Variants in LAIR2 observed in about 807,000 individuals in gnomAD.
LAIR2 encodes leukocyte-associated immunoglobulin-like receptor 2.
A neutral mutation model predicts 14.8 loss-of-function variants in LAIR2; 14 were observed. The observed-to-expected ratio is 0.95, with a 90% CI of 0.62 to 1.48. LAIR2 has a LOEUF of 1.48. Among genes scored for constraint, LAIR2 ranks in the 40% most tolerant of loss-of-function variants. The probability of loss-of-function intolerance (pLI) is 0.00; values close to 1 mark genes in which losing one functional copy is unlikely to be tolerated. For missense variants in LAIR2, 172 were observed against 180.9 expected (o/e 0.95, Z 0.28); for synonymous variants, 75 against 74.5 (o/e 1.01, Z -0.03).
intron 4 of LAIR2, among the ~76,000 whole-genome samples, chr19:54,510,223 A>C: frequency 7.0e-6 from 1 of 142,088 alleles, no homozygotes; most frequent in Non-Finnish European, 1.5e-5. Flanking sequence ...CTCTTCTCTC[A>C]CCTTCATGCA....
At chr19:54,509,946 G>C (rs2085439645) in intron 4 of LAIR2, among the ~76,000 whole-genome samples, 1 of 149,412 alleles carries the variant, frequency 6.7e-6, no homozygotes, top group Non-Finnish European at 1.5e-5. Flanking sequence ...GTACGTCCTT[G>C]GACCTAGACC....
At position 54,508,138 on chromosome 19, in the gene LAIR2, C is replaced by T. The variant is rs1248151544; in HGVS notation, c.318C>T (p.Pro106=). The part of the protein sequence containing the change: ...AGLYRCLYYK[P]PGWSEHSDFL... ...TTTATCGCTGCCTCTATTATAAGCC[C>T]CCTGGATGGTCTGAGCACAGTGACT... The change falls in exon 3 of 5, where the codon CCC becomes CCT. Residue 106 remains proline (P), a synonymous_variant. Coordinates refer to ENST00000301202, the MANE Select transcript of LAIR2 (RefSeq NM_002288.6). The T allele has an allele frequency of 4.3e-6, 7 of 1,613,812 alleles. No individual in the cohort carries two copies. In the African/African-American group the frequency reaches 5.3e-5, roughly 12 times the overall value.
At position 54,507,955 on chromosome 19, in the gene LAIR2, G is replaced by C; in HGVS notation, c.135G>C (p.Val45=). The change falls in exon 3 of 5, where the codon GTG becomes GTC. Residue 45 remains valine (V), a synonymous_variant. Coordinates refer to ENST00000301202, the MANE Select transcript of LAIR2 (RefSeq NM_002288.6). ...PGTVISPGSH[V]TFMCRGPVGV... ...CTGTGATCTCCCCGGGGAGCCATGT[G>C]ACTTTCATGTGCCGGGGCCCGGTTG... 2 of 1,614,162 alleles carry C rather than the reference G, an allele frequency of 1.2e-6. No homozygotes were observed. Among genetic ancestry groups the C allele is most frequent in the Middle Eastern group, 1.6e-4 (1 of 6,062 alleles).
intron 2 of LAIR2, among the ~76,000 whole-genome samples, chr19:54,505,234 C>CA (rs2085344128): frequency 6.6e-6 from 1 of 152,164 alleles, no homozygotes. Flanking sequence ...CTGAACCCGG[C>CA]ACTTTTCCCC....
chr19:54,506,987 G>T (rs572250264), intron 2 of LAIR2, among the ~76,000 whole-genome samples: 23 of 152,036 alleles, frequency 1.5e-4, no homozygotes, highest in African/African-American at 5.5e-4. Context: ...TTGATTCAGC[G>T]ATTCCACAGT....
chr19:54,507,901 C>G lies in LAIR2; in HGVS notation c.81C>G (p.Pro27=), dbSNP rs771031871. 5.0e-6 allele frequency: 8 copies of G among 1,613,934 alleles called. No homozygotes were observed. ...TTGCTTCCCTCTTAGGGGCCCTTCCCAGACCCTCCATCTCGGCTGAGCCAG... is the reference window on the plus strand; with the variant it reads ...TTGCTTCCCTCTTAGGGGCCCTTCCGAGACCCTCCATCTCGGCTGAGCCAG... ...QTIHTQEGAL[P]RPSISAEPGT... Residue 27 remains proline (P), a synonymous_variant, in exon 3 of 5, where the codon CCC becomes CCG. Coordinates refer to ENST00000301202, the MANE Select transcript of LAIR2 (RefSeq NM_002288.6).
chr19:54,504,935 T>G (rs1301624930), intron 2 of LAIR2, among the ~76,000 whole-genome samples: 5 of 152,208 alleles, frequency 3.3e-5, no homozygotes, highest in African/African-American at 1.2e-4. Context: ...AGATTCCACA[T>G]GCGGTATTTG....
At position 54,507,916 on chromosome 19, in the gene LAIR2, G is replaced by GT. The variant is rs2085392974; in HGVS notation, c.96_97insT (p.Ala33CysfsTer2). 7 of 1,614,072 alleles carry GT rather than the reference G, an allele frequency of 4.3e-6. No homozygotes were observed. In the East Asian group the frequency reaches 1.6e-4, roughly 36 times the overall value. ...GGGCCCTTCCCAGACCCTCCATCTC[G>GT]GCTGAGCCAGGCACTGTGATCTCCC... On this transcript the variant is annotated frameshift_variant, in exon 3 of 5. Transcript: ENST00000301202. LOFTEE classifies it high-confidence loss of function.
intron 3 of LAIR2, 92 bp downstream of exon 3, chr19:54,508,276 C>G: frequency 7.6e-7 from 1 of 1,308,960 alleles, no homozygotes; most frequent in Non-Finnish European, 1.1e-6. Context: ...GCTGTCCTCT[C>G]TCTGTGGCCA....
At position 54,502,967 on chromosome 19, in the gene LAIR2, G is replaced by C. The variant is rs372695536; in HGVS notation, c.34+15G>C. ...CCTGGGCCTAGGTGAGTCCTGGAGG[G>C]AGCGGGAAGGACTGGAAAGGGGGTC... On this transcript the variant is annotated intron_variant, in intron 1 of 4. Coordinates refer to ENST00000301202, the MANE Select transcript of LAIR2 (RefSeq NM_002288.6). 106 of 1,608,288 alleles carry C rather than the reference G, an allele frequency of 6.6e-5. No homozygotes were observed. Among genetic ancestry groups the C allele is most frequent in the South Asian group, 1.7e-4 (15 of 90,482 alleles).
chr19:54,506,951 C>T (rs555591290), intron 2 of LAIR2, among the ~76,000 whole-genome samples: 10 of 152,074 alleles, frequency 6.6e-5, no homozygotes, highest in Non-Finnish European at 1.2e-4. Flanking sequence ...CAATTAACTA[C>T]GCAAAGTGAG....
intron 2 of LAIR2, among the ~76,000 whole-genome samples, chr19:54,504,759 G>A (rs1457069872): frequency 6.6e-6 from 1 of 152,082 alleles, no homozygotes; most frequent in Admixed American, 6.5e-5. Context: ...ACAGGTGCAT[G>A]CCACCACGCC....
At chr19:54,506,392 T>C (rs553254286) in intron 2 of LAIR2, among the ~76,000 whole-genome samples, 1 of 152,160 alleles carries the variant, frequency 6.6e-6, no homozygotes, top group Non-Finnish European at 1.5e-5. Flanking sequence ...TGATTTCTCC[T>C]CTCTAACTAA....
In LAIR2 at chr19:54,510,336, G is replaced by A. The variant is rs554487875; in HGVS notation, c.416-190G>A. Among the ~76,000 whole-genome samples the A allele has an allele frequency of 2.0e-5, 3 of 151,434 alleles. No homozygotes were observed. The East Asian group carries it at 5.8e-4, about 29-fold the overall frequency. ...GCCACCCCCTGGCTCTATGCCTGAC[G>A]GTGACTCACCCAAACCTCCTGTGTC... On this transcript the variant is annotated intron_variant, in intron 4 of 4. Transcript: ENST00000301202.
At position 54,502,869 on chromosome 19, in the gene LAIR2, C is replaced by T. The variant is rs1245889596; in HGVS notation, c.-50C>T. The T allele has an allele frequency of 3.7e-6, 6 of 1,612,840 alleles. No homozygotes were observed. Among genetic ancestry groups the T allele is most frequent in the Middle Eastern group, 1.6e-4 (1 of 6,062 alleles). Reference sequence around the variant, plus strand: ...GCCCCACGGGCAGGAGGCCCCCGGCCAGCACATCCTGTCTGCTTGTGTCTG... The same window carrying T: ...GCCCCACGGGCAGGAGGCCCCCGGCTAGCACATCCTGTCTGCTTGTGTCTG... On this transcript the variant is annotated 5_prime_UTR_variant, in exon 1 of 5. Transcript: ENST00000301202.
intron 2 of LAIR2, among the ~76,000 whole-genome samples, chr19:54,504,766 C>A (rs532358466): frequency 6.6e-6 from 1 of 152,066 alleles, no homozygotes; most frequent in South Asian, 2.1e-4. Context: ...CATGCCACCA[C>A]GCCCAGCTAA....
At position 54,507,828 on chromosome 19, in the gene LAIR2, G is replaced by A. The variant is rs1379751838; in HGVS notation, c.71-63G>A. On this transcript the variant is annotated intron_variant, in intron 2 of 4. Transcript: ENST00000301202. ...AATCCCTGAATTGTGATCCTAAAAT[G>A]ACGTGTGTGGCATGGTGACTTCCTA... is the stretch of plus-strand genomic sequence containing the variant. The A allele has an allele frequency of 2.1e-6, 3 of 1,462,956 alleles. No individual in the cohort carries two copies. The African/African-American group carries it at 4.2e-5, about 21-fold the overall frequency. The allele number at this position is 1,462,956 out of a possible 1,614,324, so 90.6% of individuals were successfully genotyped here.
At chr19:54,505,934 T>G (rs368398683) in intron 2 of LAIR2, among the ~76,000 whole-genome samples, 17 of 151,682 alleles carry the variant, frequency 1.1e-4, no homozygotes, top group African/African-American at 3.9e-4. Flanking sequence ...CAATTCTCCC[T>G]GCCTCAACCT....
intron 2 of LAIR2, among the ~76,000 whole-genome samples, 179 bp downstream of exon 2, chr19:54,503,914 A>C (rs1223427864): frequency 6.6e-6 from 1 of 151,250 alleles, no homozygotes; most frequent in Non-Finnish European, 1.5e-5. Context: ...TTCATTCTCC[A>C]CCTGTCATGT....
Sources: allele counts gnomAD v4.1 joint callset (sites outside exome capture counted in the v4.1 genomes callset), GRCh38; gene constraint gnomAD v4.1.1; transcripts MANE v1.5; gene names NCBI Gene and HGNC (gene_info 2026-07-23, HGNC 2026-07-21).